SUGCT: variants seen among roughly 807,000 people sequenced by gnomAD.
SUGCT encodes succinyl-CoA:glutarate-CoA transferase.
A neutral mutation model predicts 55.0 loss-of-function variants in SUGCT; 41 were observed. The ratio of observed to expected loss-of-function variants is 0.74; its 90% confidence interval spans 0.58 to 0.97. The LOEUF is 0.97. Ranked by LOEUF, SUGCT falls within the 50% of genes least tolerant of loss-of-function variation. The pLI is 0.00. For missense variants in SUGCT, 568 were observed against 547.8 expected, an observed-to-expected ratio of 1.04 and a Z score of -0.37; for synonymous variants, 187 against 200.4, an observed-to-expected ratio of 0.93 and a Z score of 0.56.
intron 12 of SUGCT, among the ~76,000 whole-genome samples, chr7:40,575,121 G>GA: frequency 6.7e-6 from 1 of 149,760 alleles, no homozygotes; most frequent in Admixed American, 6.6e-5. Context: ...GAGGGTGGCG[G>GA]GGGTGGGGGT....
At chr7:40,958,422 C>G in the SUGCT span, among the ~76,000 whole-genome samples, 1 of 151,666 alleles carries the variant, frequency 6.6e-6, no homozygotes. Context: ...GATTTTCAAC[C>G]TCGATATCCT....
chr7:40,575,472 C>T (rs774845852), intron 12 of SUGCT, among the ~76,000 whole-genome samples: 30 of 152,232 alleles, frequency 2.0e-4, no homozygotes, highest in Non-Finnish European at 3.4e-4. Context: ...GTAGCTTCCT[C>T]CCACCAAATT....
intron 1 of SUGCT, among the ~76,000 whole-genome samples, chr7:40,166,889 A>G (rs1784451033): frequency 7.2e-6 from 1 of 139,660 alleles, no homozygotes; most frequent in African/African-American, 2.5e-5. Flanking sequence ...TCCACCTCAA[A>G]AAAAAAAAAA....
chr7:40,943,268 TTTATTA>T, the SUGCT span, among the ~76,000 whole-genome samples: 20 of 151,072 alleles, frequency 1.3e-4, no homozygotes, highest in Non-Finnish European at 2.4e-4. Context: ...GTGACTTTAT[TTTATTA>T]TTATTATTAT....
chr7:40,214,125 C>CT (rs1453260166), intron 6 of SUGCT, among the ~76,000 whole-genome samples: 1 of 152,128 alleles, frequency 6.6e-6, no homozygotes, highest in African/African-American at 2.4e-5. Flanking sequence ...GTACTCTCTC[C>CT]TTTTTCTGAC....
chr7:40,256,721 G>A (rs1790832848), intron 7 of SUGCT, among the ~76,000 whole-genome samples: 1 of 151,968 alleles, frequency 6.6e-6, no homozygotes, highest in Admixed American at 6.6e-5. Flanking sequence ...ATCACATTTG[G>A]AATACATAAT....
chr7:40,920,157 T>C, the SUGCT span, among the ~76,000 whole-genome samples: 1 of 152,218 alleles, frequency 6.6e-6, no homozygotes, highest in African/African-American at 2.4e-5. Flanking sequence ...ATTTCTCCAC[T>C]TATGACCTTG....
chr7:40,151,240 A>AAAAAC lies in SUGCT; in HGVS notation c.100+16135_100+16139dup, dbSNP rs1209207520. Among the ~76,000 whole-genome samples the AAAAAC allele has an allele frequency of 4.6e-5, 7 of 152,324 alleles. No homozygotes were observed. In the South Asian group the frequency reaches 1.4e-3, roughly 32 times the overall value. ...GGTGACAGAGTGAGACTCCGTCTCT[A>AAAAAC]AAAACAAAACAAAACAAAATAAAGA... On this transcript the variant is annotated intron_variant, in intron 1 of 13. Coordinates refer to ENST00000335693, the MANE Select transcript of SUGCT (RefSeq NM_001193313.2).
intron 12 of SUGCT, among the ~76,000 whole-genome samples, chr7:40,548,666 A>G (rs1429367466): frequency 2.0e-5 from 3 of 152,232 alleles, no homozygotes; most frequent in South Asian, 4.1e-4. Flanking sequence ...CAGTGAACCT[A>G]CATTGACCCA....
chr7:40,236,331 C>T (rs1381493747), intron 6 of SUGCT, among the ~76,000 whole-genome samples: 2 of 151,410 alleles, frequency 1.3e-5, no homozygotes, highest in Non-Finnish European at 2.9e-5. Context: ...GGATTATAGG[C>T]GTGAGCCACC....
chr7:40,322,973 TAAATA>T (rs57592916), intron 9 of SUGCT, among the ~76,000 whole-genome samples: 4 of 146,582 alleles, frequency 2.7e-5, no homozygotes, highest in Admixed American at 6.9e-5. Context: ...TCAAATAAAA[TAAATA>T]AAATAAAATA....
At chr7:40,584,644 A>G (rs1797279955) in intron 12 of SUGCT, among the ~76,000 whole-genome samples, 1 of 152,222 alleles carries the variant, frequency 6.6e-6, no homozygotes, top group South Asian at 2.1e-4. Flanking sequence ...CAGTTTACAG[A>G]TGAATAAACT....
intron 13 of SUGCT, among the ~76,000 whole-genome samples, chr7:40,785,426 T>C (rs542653964): frequency 2.0e-5 from 3 of 152,342 alleles, no homozygotes; most frequent in Non-Finnish European, 2.9e-5. Flanking sequence ...AGTTGGAGAA[T>C]ATACATTTGA....
chr7:40,219,588 G>A (rs761438978), intron 6 of SUGCT, among the ~76,000 whole-genome samples: 1 of 152,052 alleles, frequency 6.6e-6, no homozygotes, highest in African/African-American at 2.4e-5. Context: ...TCTTTGGGAC[G>A]TTGTGACCAG....
chr7:40,752,617 A>G (rs1477693416), intron 13 of SUGCT, among the ~76,000 whole-genome samples: 1 of 152,154 alleles, frequency 6.6e-6, no homozygotes, highest in Non-Finnish European at 1.5e-5. Context: ...CGGCCTCCCA[A>G]AGTGCTGGGA....
At position 40,327,675 on chromosome 7, in the gene SUGCT, T is replaced by C. The variant is rs148231966; in HGVS notation, c.816+10820T>C. On this transcript the variant is annotated intron_variant, in intron 9 of 13. Transcript: ENST00000335693. ...TTTAAGATTTTTTCGGCTTTTCTTG[T>C]ATTCTTAATATATGTGCAGAACTAA... 4.7e-4 allele frequency among the ~76,000 whole-genome samples: 71 copies of C among 152,344 alleles called. No homozygotes were observed. In the East Asian group the frequency reaches 0.013, roughly 28 times the overall value.
chr7:40,265,461 TC>T (rs1412440581), intron 7 of SUGCT, among the ~76,000 whole-genome samples: 2 of 152,042 alleles, frequency 1.3e-5, no homozygotes, highest in Non-Finnish European at 2.9e-5. Flanking sequence ...TGTCCCTCTC[TC>T]CCCCCTCCTT....
chr7:40,983,858 T>C, the SUGCT span, among the ~76,000 whole-genome samples: 1 of 152,128 alleles, frequency 6.6e-6, no homozygotes, highest in Non-Finnish European at 1.5e-5. Flanking sequence ...TTATAGTGAG[T>C]GTCTTGCTAG....
intron 13 of SUGCT, among the ~76,000 whole-genome samples, chr7:40,825,715 C>T (rs1792277937): frequency 6.6e-6 from 1 of 152,104 alleles, no homozygotes; most frequent in Admixed American, 6.6e-5. Flanking sequence ...GACCCATTCT[C>T]CTCAGCCATC....
Sources: allele counts gnomAD v4.1 joint callset (sites outside exome capture counted in the v4.1 genomes callset), GRCh38; gene constraint gnomAD v4.1.1; transcripts MANE v1.5; gene names NCBI Gene and HGNC (gene_info 2026-07-23, HGNC 2026-07-21).